Variants in PRKCA observed in about 807,000 individuals in gnomAD.
PRKCA encodes protein kinase C alpha type.
PRKCA carries 27 observed loss-of-function variants against 87.0 expected under a neutral mutation model. That is an observed-to-expected ratio of 0.31 (90% CI 0.23 to 0.43). The LOEUF (loss-of-function observed/expected upper bound fraction) is 0.43, where lower values mean the gene tolerates loss of function less well. Ranked by LOEUF, PRKCA falls within the 20% of genes least tolerant of loss-of-function variation. The pLI is 1.00. For synonymous variants in PRKCA, 329 were observed against 311.1 expected, an observed-to-expected ratio of 1.06 and a Z score of -0.61; for missense variants, 518 against 852.3, an observed-to-expected ratio of 0.61 and a Z score of 4.88.
At chr17:66,326,272 G>T (rs935117939) in intron 2 of PRKCA, among the ~76,000 whole-genome samples, 1 of 152,072 alleles carries the variant, frequency 6.6e-6, no homozygotes, top group Non-Finnish European at 1.5e-5. Flanking sequence ...CATAAAAAAA[G>T]GTTTTTGAAA....
intron 2 of PRKCA, among the ~76,000 whole-genome samples, chr17:66,345,753 T>C (rs550612953): frequency 5.9e-5 from 9 of 152,320 alleles, no homozygotes; most frequent in African/African-American, 1.4e-4. Flanking sequence ...AGCCTTCAGA[T>C]TGAGGATGAA....
At chr17:66,594,922 A>G (rs1969927125) in intron 3 of PRKCA, among the ~76,000 whole-genome samples, 1 of 152,208 alleles carries the variant, frequency 6.6e-6, no homozygotes, top group Non-Finnish European at 1.5e-5. Context: ...TGCCATAACA[A>G]ATTGCCACAT....
Position 66,463,144 on chromosome 17 carries a change from C to CTT in PRKCA, c.206-33056_206-33055dup, listed in dbSNP as rs552883962. On this transcript the variant is annotated intron_variant, in intron 2 of 16. Coordinates refer to ENST00000413366, the MANE Select transcript of PRKCA (RefSeq NM_002737.3). The stretch of plus-strand genomic sequence containing the variant: ...ATGTGCGCTCTTAGTCCTCTGTTAT[C>CTT]TTCTGTCACCGGGAGACAGGCAACA... 1.6e-4 allele frequency among the ~76,000 whole-genome samples: 24 copies of CTT among 152,268 alleles called. No individual in the cohort carries two copies. The South Asian group carries it at 2.9e-3, about 18-fold the overall frequency.
chr17:66,744,486 C>T (rs1308571122), intron 13 of PRKCA, among the ~76,000 whole-genome samples: 1 of 152,132 alleles, frequency 6.6e-6, no homozygotes, highest in African/African-American at 2.4e-5. Context: ...TGAACCTCAT[C>T]TCTATTAAGA....
At chr17:66,746,541 A>G (rs1974290529) in intron 13 of PRKCA, among the ~76,000 whole-genome samples, 1 of 152,192 alleles carries the variant, frequency 6.6e-6, no homozygotes, top group Non-Finnish European at 1.5e-5. Flanking sequence ...CAGAGACAAA[A>G]TCATTATCTT....
At chr17:66,406,450 A>G (rs1479340945) in intron 2 of PRKCA, among the ~76,000 whole-genome samples, 1 of 152,194 alleles carries the variant, frequency 6.6e-6, no homozygotes, top group Non-Finnish European at 1.5e-5. Context: ...AATCCAAAAT[A>G]AAACTGGTGC....
At chr17:66,799,100 G>A (rs1327366568) in intron 16 of PRKCA, among the ~76,000 whole-genome samples, 49 of 524 alleles carry the variant, frequency 0.094, no homozygotes, top group Admixed American at 0.17. Context: ...GGTGGTGGTG[G>A]TGGTGATGGT....
At chr17:66,780,416 C>A (rs978858986) in intron 14 of PRKCA, among the ~76,000 whole-genome samples, 11 of 152,128 alleles carry the variant, frequency 7.2e-5, no homozygotes, top group African/African-American at 2.7e-4. Context: ...GTGGTTCACA[C>A]CTATAGTCTC....
chr17:66,365,114 C>T, intron 2 of PRKCA, among the ~76,000 whole-genome samples: 1 of 152,186 alleles, frequency 6.6e-6, no homozygotes, highest in Non-Finnish European at 1.5e-5. Flanking sequence ...TTTATCTTTG[C>T]ATCTTGAAGT....
intron 3 of PRKCA, among the ~76,000 whole-genome samples, chr17:66,540,966 A>T (rs779659388): frequency 6.6e-6 from 1 of 152,102 alleles, no homozygotes; most frequent in Non-Finnish European, 1.5e-5. Flanking sequence ...CAAATAAGAC[A>T]AGGTATGTGC....
rs1975962957 is a variant in PRKCA at position 66,803,956 on chromosome 17, T to C, written c.1938T>C (p.Ala646=). The part of the protein sequence containing the change: ...VLTPPDQLVI[A]NIDQSDFEGF... ...CACCACCTGATCAGCTGGTTATTGC[T>C]AACATAGACCAGTCTGATTTTGAAG... The change falls in exon 17 of 17, where the codon GCT becomes GCC. Residue 646 remains alanine, a synonymous_variant. Transcript: ENST00000413366. This position sits in a 1 kb window ranked among gnomAD's most constrained non-coding sequence, Gnocchi z 4.4. 6.2e-7 allele frequency: 1 copy of C among 1,613,990 alleles called. No individual in the cohort carries two copies. The highest frequency in any genetic ancestry group is 1.1e-5 in the South Asian group (1 of 91,086).
At chr17:66,336,634 T>TTCTATATAGTAAATTATTAAACATTTGCC in intron 2 of PRKCA, among the ~76,000 whole-genome samples, 1 of 142,626 alleles carries the variant, frequency 7.0e-6, no homozygotes, top group East Asian at 2.0e-4. Context: ...AAAGTACCTG[T>TTCTATATAGTAAATTATTAAACATTTGCC]TATATAGTAA....
chr17:66,399,836 A>G (rs766185382), intron 2 of PRKCA, among the ~76,000 whole-genome samples: 22 of 152,176 alleles, frequency 1.4e-4, no homozygotes, highest in Non-Finnish European at 2.9e-4. Flanking sequence ...ATGGATATGT[A>G]CATTGAATAT....
intron 2 of PRKCA, among the ~76,000 whole-genome samples, chr17:66,334,263 A>G (rs1165018330): frequency 6.6e-6 from 1 of 152,142 alleles, no homozygotes; most frequent in Admixed American, 6.5e-5. Flanking sequence ...ACAAAACAAA[A>G]CAAAACACCA....
At chr17:66,516,493 C>T (rs1041578217) in intron 3 of PRKCA, among the ~76,000 whole-genome samples, 20 of 151,968 alleles carry the variant, frequency 1.3e-4, no homozygotes, top group African/African-American at 4.6e-4. Context: ...ATTAGCCAGG[C>T]GTGATGGTGG....
intron 3 of PRKCA, among the ~76,000 whole-genome samples, chr17:66,513,327 C>T (rs1469060962): frequency 6.6e-6 from 1 of 152,158 alleles, no homozygotes; most frequent in African/African-American, 2.4e-5. Context: ...GACTGTGATG[C>T]CATGCCAGTG....
chr17:66,682,193 A>G (rs1205685712), intron 5 of PRKCA, among the ~76,000 whole-genome samples: 1 of 152,150 alleles, frequency 6.6e-6, no homozygotes, highest in Non-Finnish European at 1.5e-5. Flanking sequence ...CATCTTCATC[A>G]TCTTATTTGA....
At chr17:66,489,588 G>A (rs555868206) in intron 2 of PRKCA, among the ~76,000 whole-genome samples, 5 of 151,760 alleles carry the variant, frequency 3.3e-5, no homozygotes, top group East Asian at 1.9e-4. Flanking sequence ...CAAGGAACAC[G>A]TCTCCAATCC....
chr17:66,644,906 C>T (rs1971411450), intron 4 of PRKCA, among the ~76,000 whole-genome samples: 1 of 151,762 alleles, frequency 6.6e-6, no homozygotes, highest in South Asian at 2.1e-4. Context: ...GGGAGGACCA[C>T]TTGAGCCCAG....
Sources: gnomAD v4.1 joint callset for allele counts (sites outside exome capture counted in the v4.1 genomes callset) on GRCh38, gnomAD v4.1.1 for gene constraint, Gnocchi (gnomAD v3.1) non-coding constraint, MANE v1.5 for transcripts, NCBI Gene and HGNC (gene_info 2026-07-23, HGNC 2026-07-21) for gene names.